NRP1: variants seen among roughly 807,000 people sequenced by gnomAD.
NRP1 encodes neuropilin-1.
A neutral mutation model predicts 106.7 loss-of-function variants in NRP1; 35 were observed. The ratio of observed to expected loss-of-function variants is 0.33; its 90% CI spans 0.25 to 0.43. NRP1 has a LOEUF of 0.43. NRP1 is among the 20% of genes least tolerant of loss of function. The pLI is 1.00. For missense variants in NRP1, 1,024 were observed against 1,170.4 expected (o/e 0.87, Z 1.83); for synonymous variants, 437 against 417.9 (o/e 1.05, Z -0.56).
intron 2 of NRP1, among the ~76,000 whole-genome samples, chr10:33,325,424 T>C (rs1847818730): frequency 6.6e-6 from 1 of 151,998 alleles, no homozygotes; most frequent in Non-Finnish European, 1.5e-5. Flanking sequence ...ATGCTAGTAA[T>C]AATAAAGAAA....
At chr10:33,203,636 C>G (rs545418521) in intron 10 of NRP1, among the ~76,000 whole-genome samples, 3 of 150,948 alleles carry the variant, frequency 2.0e-5, no homozygotes, top group Non-Finnish European at 4.4e-5. Flanking sequence ...TACATGAACT[C>G]TCATAGGACT....
At chr10:33,290,050 T>C (rs1191441258) in intron 2 of NRP1, among the ~76,000 whole-genome samples, 3 of 152,220 alleles carry the variant, frequency 2.0e-5, no homozygotes, top group Non-Finnish European at 4.4e-5. Context: ...GATATGTAAA[T>C]TACAGGTTTT....
At chr10:33,225,317 GAC>G (rs1425683791) in intron 7 of NRP1, among the ~76,000 whole-genome samples, 18 of 152,208 alleles carry the variant, frequency 1.2e-4, no homozygotes, top group African/African-American at 4.3e-4. Context: ...TCAAAAGAGA[GAC>G]AGGTTAATTG....
chr10:33,314,383 G>A (rs1846863046), intron 2 of NRP1, among the ~76,000 whole-genome samples: 1 of 152,248 alleles, frequency 6.6e-6, no homozygotes, highest in African/African-American at 2.4e-5. Context: ...CCAGCGTCAT[G>A]TAAATCATTC....
At chr10:33,187,040 ATT>A (rs879793506) in intron 13 of NRP1, among the ~76,000 whole-genome samples, 5 of 148,414 alleles carry the variant, frequency 3.4e-5, no homozygotes, top group African/African-American at 9.9e-5. Flanking sequence ...AAAAAGATTA[ATT>A]TTTTTTTTTA....
chr10:33,311,561 TCA>T (rs993841130), intron 2 of NRP1, among the ~76,000 whole-genome samples: 1 of 152,222 alleles, frequency 6.6e-6, no homozygotes, highest in Non-Finnish European at 1.5e-5. Context: ...CTATCAGCTG[TCA>T]CAGTGATCGG....
chr10:33,188,132 C>T (rs542761769), intron 13 of NRP1, among the ~76,000 whole-genome samples: 1 of 152,230 alleles, frequency 6.6e-6, no homozygotes, highest in South Asian at 2.1e-4. Flanking sequence ...TGCCATTTCA[C>T]TGTGATGAAT....
chr10:33,299,714 A>G (rs1845667346), intron 2 of NRP1, among the ~76,000 whole-genome samples: 1 of 152,150 alleles, frequency 6.6e-6, no homozygotes, highest in South Asian at 2.1e-4. Flanking sequence ...TGAGCCCAGG[A>G]GTTTGAGGCT....
chr10:33,247,420 C>G (rs1243076114), intron 6 of NRP1, among the ~76,000 whole-genome samples: 2 of 152,288 alleles, frequency 1.3e-5, no homozygotes, highest in South Asian at 2.1e-4. Flanking sequence ...TGAATCATGA[C>G]AGAGCCATTT....
chr10:33,261,790 C>G (rs2133230004), intron 4 of NRP1, among the ~76,000 whole-genome samples: 1 of 152,258 alleles, frequency 6.6e-6, no homozygotes, highest in South Asian at 2.1e-4. Context: ...GGCTGGAGTG[C>G]AGTGGCCATG....
chr10:33,304,446 C>T (rs1265618056), intron 2 of NRP1, among the ~76,000 whole-genome samples: 1 of 152,026 alleles, frequency 6.6e-6, no homozygotes, highest in African/African-American at 2.4e-5. Flanking sequence ...TCTCATAGAC[C>T]CCTCTTTCAA....
intron 4 of NRP1, among the ~76,000 whole-genome samples, chr10:33,257,683 G>C (rs1343986550): frequency 2.0e-5 from 3 of 152,154 alleles, no homozygotes; most frequent in African/African-American, 7.2e-5. Flanking sequence ...CCACACCTTT[G>C]TTGAAGTGCT....
rs778158583 is a variant in NRP1 at position 33,180,322 on chromosome 10, G to A, written c.2526C>T (p.Asn842=). ...ACACATTGCCTGGCTTCCTGGAGAT[G>A]TTCTTGTCACCTTCTCCTTCACCTT... ...GYEGEGEGDK[N]ISRKPGNVLK... is the part of the protein sequence containing the mutation. The change falls in exon 17 of 17, where the codon AAC becomes AAT. Residue 842 remains asparagine (N), a synonymous_variant. Coordinates refer to ENST00000374867, the MANE Select transcript of NRP1 (RefSeq NM_003873.7). The A allele has an allele frequency of 1.2e-6, 2 of 1,606,550 alleles. No individual in the cohort carries two copies. The highest frequency in any genetic ancestry group is 1.7e-6 in the Non-Finnish European group (2 of 1,173,998).
At chr10:33,327,010 C>T (rs1278893797) in intron 2 of NRP1, among the ~76,000 whole-genome samples, 2 of 151,988 alleles carry the variant, frequency 1.3e-5, no homozygotes, top group African/African-American at 2.4e-5. Context: ...AATGACTTAA[C>T]CATCCCTATA....
At position 33,179,992 on chromosome 10, in the gene NRP1, G is replaced by C. The variant is rs1171548242; in HGVS notation, c.*84C>G. 17 of 1,412,526 alleles carry C rather than the reference G, an allele frequency of 1.2e-5. No individual in the cohort carries two copies. The highest frequency in any genetic ancestry group is 1.7e-5 in the Non-Finnish European group (17 of 1,017,882). 87.5% of individuals were successfully genotyped at this position (1,412,526 alleles called of 1,614,324 possible). A position where few individuals can be genotyped will look rare whatever the true frequency, so the allele number is the denominator to read the frequency against. On this transcript the variant is annotated 3_prime_UTR_variant, in exon 17 of 17. Coordinates refer to ENST00000374867, the MANE Select transcript of NRP1 (RefSeq NM_003873.7). ...TGGTCATCAACACACTTCCCAGCCT[G>C]TATAGTGAAAGATCAACAGCTCCCC...
intron 2 of NRP1, among the ~76,000 whole-genome samples, chr10:33,318,298 G>C (rs1847183212): frequency 6.6e-6 from 1 of 152,074 alleles, no homozygotes; most frequent in African/African-American, 2.4e-5. Context: ...TCACATATCG[G>C]GACCCAGCCC....
chr10:33,326,552 GA>G (rs1253838048), intron 2 of NRP1, among the ~76,000 whole-genome samples: 1 of 152,060 alleles, frequency 6.6e-6, no homozygotes, highest in African/African-American at 2.4e-5. Flanking sequence ...ATATAGCTGG[GA>G]AAAAATCCTA....
At chr10:33,273,832 G>A (rs995853818) in intron 2 of NRP1, among the ~76,000 whole-genome samples, 3 of 152,104 alleles carry the variant, frequency 2.0e-5, no homozygotes, top group Admixed American at 2.0e-4. Context: ...TTCACAAGGA[G>A]GCTATGAATG....
chr10:33,187,040 A>AT (rs879793506), intron 13 of NRP1, among the ~76,000 whole-genome samples: 274 of 148,484 alleles, frequency 1.8e-3, no homozygotes, highest in African/African-American at 5.7e-3. Context: ...AAAAAGATTA[A>AT]TTTTTTTTTT....
Sources: allele counts gnomAD v4.1 joint callset (sites outside exome capture counted in the v4.1 genomes callset), GRCh38; gene constraint gnomAD v4.1.1; transcripts MANE v1.5; gene names NCBI Gene and HGNC (gene_info 2026-07-23, HGNC 2026-07-21).